Variants in BACH1 observed in about 807,000 individuals in gnomAD.
BACH1 encodes the protein transcription regulator protein BACH1.
In BACH1, 35 loss-of-function variants were observed where a neutral mutation model predicts 52.9. The observed-to-expected ratio is 0.66, with a 90% CI of 0.51 to 0.88. The LOEUF is 0.88. Among genes scored for constraint, BACH1 ranks in the 40% least tolerant of loss-of-function variants. BACH1 has a pLI of 0.00. For missense variants in BACH1, 808 were observed against 872.6 expected (o/e 0.93, Z 0.93); for synonymous variants, 321 against 319.6 (o/e 1.00, Z -0.05).
downstream of BACH1, among the ~76,000 whole-genome samples, chr21:29,350,084 A>G (rs112637008): frequency 6.6e-6 from 1 of 152,120 alleles, no homozygotes; most frequent in Non-Finnish European, 1.5e-5. Flanking sequence ...TCTAGATTCA[A>G]TATGCTCACA....
chr21:29,350,869 A>G (rs757448948), downstream of BACH1, among the ~76,000 whole-genome samples: 1 of 151,702 alleles, frequency 6.6e-6, no homozygotes, highest in Non-Finnish European at 1.5e-5. Context: ...AGAGAAAGAT[A>G]CCCCAGAAGA....
rs371330530 is a variant in BACH1, at chr21:29,327,366, C to G, written c.1542C>G (p.Ser514=). ...CGGACACCGAAGGAGACAGTGAATC[C>G]TGTTCAGCCAGAGAACAAGAATGTG... is the stretch of plus-strand genomic sequence containing the variant. ...SETDTEGDSE[S]CSAREQECEV... Residue 514 remains serine (S), a synonymous_variant, in exon 3 of 5, where the codon TCC becomes TCG. Coordinates refer to ENST00000286800, the MANE Select transcript of BACH1 (RefSeq NM_001186.4). 2 of 1,613,564 alleles carry G rather than the reference C, an allele frequency of 1.2e-6. No individual in the cohort carries two copies. The highest frequency in any genetic ancestry group is 2.7e-5 in the African/African-American group (2 of 74,854).
chr21:29,358,865 A>G (rs1421313953), intron 2 of BACH1: 3 of 152,072 alleles, frequency 2.0e-5, no homozygotes, highest in East Asian at 1.9e-4. Context: ...TAAAAAATAT[A>G]TCAAATTAGA....
intron 4 of BACH1, among the ~76,000 whole-genome samples, chr21:29,332,652 C>T (rs773504693): frequency 1.4e-4 from 21 of 152,302 alleles, no homozygotes; most frequent in Admixed American, 1.1e-3. Flanking sequence ...GCTCTCTATC[C>T]GAGAGTGGCT....
chr21:29,347,994 A>G (rs1326283578), downstream of BACH1, among the ~76,000 whole-genome samples: 1 of 152,192 alleles, frequency 6.6e-6, no homozygotes. Flanking sequence ...AAAAAATTCA[A>G]AGATTAAGTC....
chr21:29,342,355 G>A (rs948008686), intron 4 of BACH1, 44 bp from the exon 5 acceptor site: 30 of 1,542,346 alleles, frequency 1.9e-5, no homozygotes, highest in Non-Finnish European at 2.6e-5. Context: ...TGTTGATTGA[G>A]CTAATAAACA....
rs1432560783 is a variant in BACH1 at position 29,336,444 on chromosome 21, T to TGCTCCA, written c.1777-5955_1777-5954insGCTCCA. Among the ~76,000 whole-genome samples the TGCTCCA allele has an allele frequency of 3.4e-3, 520 of 152,296 alleles. 7 individuals are homozygous for TGCTCCA. Among genetic ancestry groups the TGCTCCA allele is most frequent in the African/African-American group, 0.012 (487 of 41,558 alleles). On this transcript the variant is annotated intron_variant, in intron 4 of 4. Coordinates refer to ENST00000286800, the MANE Select transcript of BACH1 (RefSeq NM_001186.4). ...GATTGCTCCATTTTCAAAGTAATAT[T>TGCTCCA]TTTTCAACCTGTGTTGCTTAGTTAT...
rs201844220 is a variant in BACH1 at position 29,326,506 on chromosome 21, A to G, written c.682A>G (p.Arg228Gly). ...CTTGCCTTCTTTATGCCCCAAATAC[A>G]GAAAATTCCAAAAAGCATTTGGAAC... ...LALPSLCPKY[R>G]KFQKAFGTDR... Residue 228 changes from arginine to glycine, a missense_variant, in exon 3 of 5, where the codon AGA (arginine) becomes GGA (glycine). Physicochemically the swap from Arg to Gly is moderately radical, Grantham distance 125. Coordinates refer to ENST00000286800, the MANE Select transcript of BACH1 (RefSeq NM_001186.4). 1.2e-5 allele frequency: 20 copies of G among 1,614,112 alleles called. No homozygotes were observed. Among genetic ancestry groups the G allele is most frequent in the Non-Finnish European group, 1.6e-5 (19 of 1,180,046 alleles).
chr21:29,304,916 T>C (rs2088639255), intron 1 of BACH1, among the ~76,000 whole-genome samples: 1 of 152,256 alleles, frequency 6.6e-6, no homozygotes, highest in Non-Finnish European at 1.5e-5. Flanking sequence ...TTATAAAATA[T>C]GTGGCTATAA....
chr21:29,341,842 A>G (rs1032291619), intron 4 of BACH1, among the ~76,000 whole-genome samples: 12 of 152,248 alleles, frequency 7.9e-5, no homozygotes, highest in African/African-American at 2.9e-4. Context: ...TGCTCAACAA[A>G]TGCTGGTCAT....
At chr21:29,300,046 G>C (rs1411836373) in intron 1 of BACH1, 1 of 152,260 alleles carries the variant, frequency 6.6e-6, no homozygotes, top group Non-Finnish European at 1.5e-5. Context: ...GTCAAGCAGA[G>C]AAATGGGAAG....
At chr21:29,355,203 C>T (rs542593115) in intron 2 of BACH1, among the ~76,000 whole-genome samples, 6 of 152,248 alleles carry the variant, frequency 3.9e-5, no homozygotes, top group Admixed American at 2.0e-4. Flanking sequence ...TTACAGAGTG[C>T]TGATTGGTGC....
intron 2 of BACH1, among the ~76,000 whole-genome samples, chr21:29,351,162 G>A (rs1442749576): frequency 1.3e-5 from 2 of 152,164 alleles, no homozygotes; most frequent in Non-Finnish European, 2.9e-5. Flanking sequence ...TGTCCCGAAA[G>A]TCAGCTGTTT....
Position 29,342,727 on chromosome 21 carries a change from C to A in BACH1, c.2105C>A (p.Ser702Tyr). ...YARGQESQQM[S>Y]TATSEQAGPA... ...CGAGGGCAGGAGTCCCAGCAGATGTCCACAGCCACCTCTGAGCAAGCTGGG... is the reference window on the plus strand; with the variant it reads ...CGAGGGCAGGAGTCCCAGCAGATGTACACAGCCACCTCTGAGCAAGCTGGG... The change falls in exon 5 of 5, where the codon TCC (serine) becomes TAC (tyrosine). Residue 702 changes from serine to tyrosine, a missense_variant. By Grantham distance (144) the Ser-to-Tyr change is moderately radical (BLOSUM62 -2). Coordinates refer to ENST00000286800, the MANE Select transcript of BACH1 (RefSeq NM_001186.4). 1 of 1,614,196 alleles carries A rather than the reference C, an allele frequency of 6.2e-7. No homozygotes were observed. Among genetic ancestry groups the A allele is most frequent in the Non-Finnish European group, 8.5e-7 (1 of 1,180,040 alleles).
chr21:29,349,571 G>A (rs561804837), downstream of BACH1, among the ~76,000 whole-genome samples: 90 of 152,290 alleles, frequency 5.9e-4, no homozygotes, highest in Non-Finnish European at 1.1e-3. Context: ...CAGTCCGTGA[G>A]AGGTGTGGAG....
At chr21:29,358,771 A>AAAGC (rs1555888599) in intron 2 of BACH1, among the ~76,000 whole-genome samples, 2 of 23,280 alleles carry the variant, frequency 8.6e-5, no homozygotes, top group East Asian at 7.0e-4. Context: ...AAAGAAAAGA[A>AAAGC]AAGAAAGAAA....
At chr21:29,355,887 A>G (rs1040632798) in intron 2 of BACH1, among the ~76,000 whole-genome samples, 38 of 152,334 alleles carry the variant, frequency 2.5e-4, no homozygotes, top group African/African-American at 7.7e-4. Context: ...GCCAGGTGGC[A>G]TCTCTTACTA....
chr21:29,317,840 A>G (rs2088805857), intron 1 of BACH1, among the ~76,000 whole-genome samples: 1 of 152,168 alleles, frequency 6.6e-6, no homozygotes, highest in Non-Finnish European at 1.5e-5. Context: ...TAAACTTCAG[A>G]ACATCTCAGC....
chr21:29,334,093 A>T (rs1238902719), intron 4 of BACH1, among the ~76,000 whole-genome samples: 1 of 149,130 alleles, frequency 6.7e-6, no homozygotes, highest in African/African-American at 2.5e-5. Context: ...TTTTTTTGTT[A>T]TTTTTTTTAT....
Sources: gnomAD v4.1 joint callset for allele counts (sites outside exome capture counted in the v4.1 genomes callset) on GRCh38, gnomAD v4.1.1 for gene constraint, MANE v1.5 for transcripts, NCBI Gene and HGNC (gene_info 2026-07-23, HGNC 2026-07-21) for gene names.